Variants in RABGAP1L observed in about 807,000 individuals in gnomAD.
RABGAP1L encodes the protein RAB GTPase activating protein 1 like, also known as rab GTPase-activating protein 1-like.
RABGAP1L carries 63 observed loss-of-function variants against 137.7 expected under a neutral mutation model. The observed-to-expected ratio is 0.46, with a 90% confidence interval of 0.37 to 0.56. The LOEUF (loss-of-function observed/expected upper bound fraction) is 0.56. RABGAP1L is among the 20% of genes least tolerant of loss of function. The pLI, the probability that RABGAP1L is intolerant of heterozygous loss-of-function variation, is 0.00. For missense variants in RABGAP1L, 1,095 were observed against 1,244.0 expected (o/e 0.88, Z 1.80); for synonymous variants, 431 against 433.7 (o/e 0.99, Z 0.08).
intron 1 of RABGAP1L, among the ~76,000 whole-genome samples, chr1:174,203,242 T>C (rs1668260444): frequency 6.6e-6 from 1 of 152,154 alleles, no homozygotes. Flanking sequence ...GTTTATCCCA[T>C]CACTATTTAT....
At chr1:174,642,932 G>A (rs1057041760) in intron 14 of RABGAP1L, among the ~76,000 whole-genome samples, 33 of 151,732 alleles carry the variant, frequency 2.2e-4, no homozygotes, top group African/African-American at 6.3e-4. Flanking sequence ...TTACAGGCAC[G>A]CACCACCACT....
intron 13 of RABGAP1L, among the ~76,000 whole-genome samples, chr1:174,505,518 A>G (rs1377382640): frequency 6.6e-6 from 1 of 152,026 alleles, no homozygotes; most frequent in Admixed American, 6.6e-5. Flanking sequence ...GTACTGAAAA[A>G]TACTTGAAAT....
intron 17 of RABGAP1L, among the ~76,000 whole-genome samples, chr1:174,717,168 G>C (rs1468700155): frequency 6.6e-6 from 1 of 152,254 alleles, no homozygotes; most frequent in Non-Finnish European, 1.5e-5. Flanking sequence ...CCAGCATTTT[G>C]GGAGGCTGAG....
intron 13 of RABGAP1L, among the ~76,000 whole-genome samples, chr1:174,481,881 TAAAA>T (rs1166772879): frequency 8.4e-5 from 5 of 59,746 alleles, no homozygotes; most frequent in Admixed American, 2.0e-4. Flanking sequence ...TAATAAAAAA[TAAAA>T]AAAAAAAGAA....
intron 1 of RABGAP1L, among the ~76,000 whole-genome samples, chr1:174,195,616 T>TCTTTCTTTCTTCCTTC (rs1234228992): frequency 3.1e-3 from 177 of 57,646 alleles, no homozygotes; most frequent in South Asian, 6.4e-3. Flanking sequence ...TTTCTTTCTT[T>TCTTTCTTTCTTCCTTC]CTTCCTTCCT....
At chr1:174,478,866 T>C (rs1658786456) in intron 13 of RABGAP1L, among the ~76,000 whole-genome samples, 1 of 151,916 alleles carries the variant, frequency 6.6e-6, no homozygotes, top group Non-Finnish European at 1.5e-5. Context: ...CTGGAAAGAG[T>C]AGAATGGAAA....
intron 23 of RABGAP1L, among the ~76,000 whole-genome samples, chr1:174,979,489 G>A (rs1371553986): frequency 6.6e-6 from 1 of 152,234 alleles, no homozygotes; most frequent in African/African-American, 2.4e-5. Context: ...TTCTGCCTTA[G>A]TCAGAAGCTA....
intron 17 of RABGAP1L, among the ~76,000 whole-genome samples, chr1:174,732,070 C>T (rs1007531624): frequency 3.9e-5 from 6 of 152,056 alleles, no homozygotes; most frequent in African/African-American, 7.2e-5. Flanking sequence ...GGTGTTGTGG[C>T]GCGTGCCTGT....
chr1:174,531,962 A>G (rs74126823), intron 13 of RABGAP1L, among the ~76,000 whole-genome samples: 5,284 of 152,242 alleles, frequency 0.035, 121 homozygotes, highest in Middle Eastern at 0.088. Context: ...ATTACCAATT[A>G]TGAACATCTC....
At chr1:174,199,382 G>T (rs1211189602) in intron 1 of RABGAP1L, among the ~76,000 whole-genome samples, 1 of 151,946 alleles carries the variant, frequency 6.6e-6, no homozygotes, top group East Asian at 1.9e-4. Context: ...ACCTCTGCCT[G>T]CCGGATTCAA....
At chr1:174,960,687 C>T (rs534627526) in intron 20 of RABGAP1L, among the ~76,000 whole-genome samples, 25 of 152,130 alleles carry the variant, frequency 1.6e-4, no homozygotes, top group Admixed American at 2.6e-4. Context: ...TTAGCCTACC[C>T]TTTTCCTTTC....
chr1:174,522,072 C>CT (rs1663447393), intron 13 of RABGAP1L, among the ~76,000 whole-genome samples: 1 of 99,282 alleles, frequency 1.0e-5, no homozygotes, highest in Admixed American at 8.8e-5. Flanking sequence ...GAGCGAGACT[C>CT]TGTCTCAAAA....
chr1:174,944,526 A>G (rs1236289389), intron 19 of RABGAP1L, among the ~76,000 whole-genome samples: 1 of 151,454 alleles, frequency 6.6e-6, no homozygotes, highest in Admixed American at 6.6e-5. Context: ...GGTCCCAACT[A>G]CTCAGGAGGC....
chr1:174,468,729 C>G (rs190316546), intron 13 of RABGAP1L, among the ~76,000 whole-genome samples: 139 of 152,240 alleles, frequency 9.1e-4, no homozygotes, highest in African/African-American at 3.3e-3. Context: ...CTCTCTCTCT[C>G]TCTGTAAAAT....
intron 24 of RABGAP1L, among the ~76,000 whole-genome samples, chr1:174,987,190 C>T (rs557187097): frequency 6.6e-6 from 1 of 151,226 alleles, no homozygotes; most frequent in Non-Finnish European, 1.5e-5. Flanking sequence ...TTTTTTGAGA[C>T]GGAGTCTTGC....
chr1:174,551,604 A>G (rs1048587159), intron 13 of RABGAP1L, among the ~76,000 whole-genome samples: 1 of 152,160 alleles, frequency 6.6e-6, no homozygotes, highest in Admixed American at 6.5e-5. Flanking sequence ...TTCTCAAGGA[A>G]CTACTAAGTT....
At chr1:174,800,409 A>G in intron 18 of RABGAP1L, 1 of 1,550,800 alleles carries the variant, frequency 6.4e-7, no homozygotes, top group Non-Finnish European at 8.7e-7. Flanking sequence ...GACATGCACG[A>G]CGAGAGGAGC....
intron 13 of RABGAP1L, among the ~76,000 whole-genome samples, chr1:174,434,743 A>G (rs146387847): frequency 6.6e-6 from 1 of 152,152 alleles, no homozygotes; most frequent in African/African-American, 2.4e-5. Context: ...GTGGGTGCTG[A>G]GCATTTTTTC....
intron 12 of RABGAP1L, among the ~76,000 whole-genome samples, chr1:174,391,862 A>G (rs1408498390): frequency 6.6e-6 from 1 of 152,168 alleles, no homozygotes; most frequent in Non-Finnish European, 1.5e-5. Flanking sequence ...CTCTTTGTAC[A>G]TCATTGCTTT....
Sources: allele counts gnomAD v4.1 joint callset (sites outside exome capture counted in the v4.1 genomes callset), GRCh38; gene constraint gnomAD v4.1.1; transcripts MANE v1.5; gene names NCBI Gene and HGNC (gene_info 2026-07-23, HGNC 2026-07-21).